The following FRY variants were observed in gnomAD, a reference collection of about 807,000 sequenced individuals.
The protein encoded by FRY is FRY microtubule binding protein, also known as protein furry homolog.
A neutral mutation model predicts 348.4 loss-of-function variants in FRY; 128 were observed. That is an observed-to-expected ratio of 0.37 (90% CI 0.32 to 0.43). FRY has a LOEUF of 0.43. Ranked by LOEUF, FRY falls within the 20% of genes least tolerant of loss-of-function variation. The pLI is 1.00. For missense variants in FRY, 2,736 were observed against 3,695.2 expected (o/e 0.74, Z 6.73); for synonymous variants, 1,370 against 1,374.7 (o/e 1.00, Z 0.08).
In FRY at chr13:32,173,420, C is replaced by G; in HGVS notation, c.2205C>G (p.Cys735Trp). 6.2e-7 allele frequency: 1 copy of G among 1,612,564 alleles called. No homozygotes were observed. Among genetic ancestry groups the G allele is most frequent in the Non-Finnish European group, 8.5e-7 (1 of 1,179,720 alleles). The stretch of plus-strand genomic sequence containing the variant: ...TTCAGTCGGAACGAGGTCCCCACTG[C>G]AGTGTACTCCACGCTGTAGAAGGTT... ...HRIQSERGPH[C>W]SVLHAVEGFA... is the part of the protein sequence containing the mutation. Residue 735 changes from cysteine (C) to tryptophan (W), a missense_variant, in exon 19 of 61, where the codon TGC becomes TGG. Cys to Trp is a radical substitution (Grantham distance 215, BLOSUM62 -2). Around this residue, in one of 9 missense-constraint regions of FRY, gnomAD observed 449 missense variants for 576.9 expected, o/e 0.78. Transcript: ENST00000542859.
At chr13:32,291,579 A>T (rs924645542) in intron 59 of FRY, among the ~76,000 whole-genome samples, 4 of 151,454 alleles carry the variant, frequency 2.6e-5, no homozygotes, top group African/African-American at 9.7e-5. Flanking sequence ...CTAATTTTGT[A>T]TTTTTAGTAG....
At chr13:32,043,566 C>T (rs1384688002) in intron 1 of FRY, among the ~76,000 whole-genome samples, 2 of 152,112 alleles carry the variant, frequency 1.3e-5, no homozygotes, top group Non-Finnish European at 2.9e-5. Context: ...AGGATAAACA[C>T]TATATTATGT....
intron 2 of FRY, among the ~76,000 whole-genome samples, chr13:32,100,806 C>T (rs907622997): frequency 6.6e-6 from 1 of 152,098 alleles, no homozygotes; most frequent in Non-Finnish European, 1.5e-5. Context: ...GGTGAGTTCC[C>T]CCTTTCTTTA....
At chr13:32,193,591 C>CTTTTTT (rs71194514) in intron 28 of FRY, among the ~76,000 whole-genome samples, 2 of 130,286 alleles carry the variant, frequency 1.5e-5, no homozygotes, top group Non-Finnish European at 3.2e-5. Flanking sequence ...AGTCTTCGTC[C>CTTTTTT]TTTTTTTTTT....
chr13:32,192,136 TAGG>T, intron 28 of FRY, among the ~76,000 whole-genome samples: 1 of 152,280 alleles, frequency 6.6e-6, no homozygotes, highest in South Asian at 2.1e-4. Context: ...GTGGTGATCA[TAGG>T]AGGGTGTTAA....
chr13:32,101,850 T>A, intron 2 of FRY, 113 bp from the exon 3 acceptor site: 1 of 700,328 alleles, frequency 1.4e-6, no homozygotes, highest in Non-Finnish European at 2.6e-6. Context: ...TGGTGCCTCC[T>A]GATTCCATAA....
intron 26 of FRY, among the ~76,000 whole-genome samples, chr13:32,185,631 G>GC (rs1318201747): frequency 6.6e-6 from 1 of 152,068 alleles, no homozygotes; most frequent in African/African-American, 2.4e-5. Context: ...CTTTCACAGA[G>GC]CAAATGGGTA....
At position 32,244,022 on chromosome 13, in the gene FRY, G is replaced by A. The variant is rs1886646888; in HGVS notation, c.6688-20G>A. The A allele has an allele frequency of 1.2e-6, 2 of 1,613,146 alleles. No individual in the cohort carries two copies. The highest frequency in any genetic ancestry group is 1.3e-5 in the African/African-American group (1 of 74,920). The stretch of plus-strand genomic sequence containing the variant: ...GAGATCTGGTGTGTGACTGACTCCA[G>A]CCGCACTTTGCCCCCACAGCTGCTG... On this transcript the variant is annotated intron_variant, in intron 46 of 60. Transcript: ENST00000542859.
chr13:32,192,343 G>A (rs541102029), intron 28 of FRY, among the ~76,000 whole-genome samples: 28 of 128,776 alleles, frequency 2.2e-4, no homozygotes, highest in African/African-American at 7.4e-4. Flanking sequence ...CTGTCCCCCC[G>A]GCTGGAGTGC....
rs149059918 is a variant in FRY at position 32,208,766 on chromosome 13, G to C, written c.4019-87G>C. Reference sequence around the variant, plus strand: ...AAATGTTTTGTAAACGTAGGACACTGTTCAGTCTGCAAGTTGGCATTTGAA... The same window carrying C: ...AAATGTTTTGTAAACGTAGGACACTCTTCAGTCTGCAAGTTGGCATTTGAA... On this transcript the variant is annotated intron_variant, in intron 31 of 60. Transcript: ENST00000542859. 5.5e-3 allele frequency: 8,194 copies of C among 1,482,260 alleles called. 35 individuals are homozygous for C. The highest frequency in any genetic ancestry group is 6.6e-3 in the Non-Finnish European group (7,004 of 1,060,662). 91.8% of individuals were successfully genotyped at this position (1,482,260 alleles called of 1,614,324 possible).
At chr13:32,246,326 A>G (rs1208610953) in intron 47 of FRY, among the ~76,000 whole-genome samples, 4 of 152,252 alleles carry the variant, frequency 2.6e-5, no homozygotes, top group Non-Finnish European at 4.4e-5. Context: ...CTGTGTTTCT[A>G]ATATTTTTAT....
At chr13:32,263,720 T>C (rs189428635) in intron 53 of FRY, among the ~76,000 whole-genome samples, 1 of 152,344 alleles carries the variant, frequency 6.6e-6, no homozygotes, top group African/African-American at 2.4e-5. Context: ...TAGAAAGTGC[T>C]ACCTAAGGCC....
At chr13:32,270,271 G>T (rs143766686) in intron 55 of FRY, among the ~76,000 whole-genome samples, 1 of 149,978 alleles carries the variant, frequency 6.7e-6, no homozygotes, top group African/African-American at 2.5e-5. Context: ...GTAATGGCAC[G>T]ATCTCAGCTC....
rs554765148 is a variant in FRY at position 32,287,129 on chromosome 13, T to TCTTC, written c.8470-2504_8470-2503insCTTC. ...GCAATGAGCCAAAATCGTGCCACTG[T>TCTTC]ACTCCAGCCTGGGCGACAGAGTGAG... On this transcript the variant is annotated intron_variant, in intron 58 of 60. Transcript: ENST00000542859. Among the ~76,000 whole-genome samples, 706 of 150,514 alleles carry TCTTC rather than the reference T, an allele frequency of 4.7e-3. 5 individuals carry two copies. The highest frequency in any genetic ancestry group is 7.6e-3 in the Non-Finnish European group (517 of 67,642).
At chr13:32,231,464 G>T (rs1885912226) in intron 41 of FRY, among the ~76,000 whole-genome samples, 164 bp downstream of exon 41, 1 of 152,168 alleles carries the variant, frequency 6.6e-6, no homozygotes, top group Admixed American at 6.5e-5. Flanking sequence ...CTGCCTAACT[G>T]CATGGTATTT....
At chr13:32,256,315 A>T (rs1185665605) in intron 51 of FRY, among the ~76,000 whole-genome samples, 1 of 152,230 alleles carries the variant, frequency 6.6e-6, no homozygotes, top group East Asian at 1.9e-4. Flanking sequence ...ATCCTAGAGG[A>T]TCACTTGTGT....
At chr13:32,184,822 C>T (rs755054390) in intron 25 of FRY, 131 bp downstream of exon 25, 106 of 995,840 alleles carry the variant, frequency 1.1e-4, no homozygotes, top group Middle Eastern at 2.8e-4. Context: ...TCCAAAAACT[C>T]GCTTTTTCTT....
At chr13:32,144,976 A>G (rs1880310490) in intron 11 of FRY, among the ~76,000 whole-genome samples, 1 of 152,176 alleles carries the variant, frequency 6.6e-6, no homozygotes, top group Non-Finnish European at 1.5e-5. Flanking sequence ...AGAAGGCTTC[A>G]CAAAGGAGAG....
At chr13:32,081,417 C>T (rs538762989) in intron 2 of FRY, among the ~76,000 whole-genome samples, 17 of 152,294 alleles carry the variant, frequency 1.1e-4, no homozygotes, top group Admixed American at 8.5e-4. Flanking sequence ...CTCGGCTTCC[C>T]GGGTTCAATT....
Sources: allele counts gnomAD v4.1 joint callset (sites outside exome capture counted in the v4.1 genomes callset), GRCh38; gene constraint gnomAD v4.1.1; regional missense constraint gnomAD v4.1.1; transcripts MANE v1.5; gene names NCBI Gene and HGNC (gene_info 2026-07-23, HGNC 2026-07-21).